The following NHS variants were observed in gnomAD, a reference collection of about 807,000 sequenced individuals.
NHS encodes the protein NHS actin remodeling regulator.
In NHS, 5 loss-of-function variants were observed where a neutral mutation model predicts 72.5. The ratio of observed to expected loss-of-function variants is 0.07; its 90% CI spans 0.04 to 0.14. The LOEUF is 0.14. Among genes scored for constraint, NHS ranks in the 10% least tolerant of loss-of-function variants. The pLI is 1.00. For missense variants in NHS, 1,072 were observed against 1,355.7 expected (o/e 0.79, Z 3.29); for synonymous variants, 464 against 547.7 (o/e 0.85, Z 2.13).
chrX:17,677,659 G>A (rs943193136), intron 1 of NHS, among the ~76,000 whole-genome samples: 3 of 111,636 alleles, frequency 2.7e-5, no homozygotes, highest in African/African-American at 9.8e-5. Flanking sequence ...TTTTTAAAGA[G>A]AGATGCTCCT....
intron 1 of NHS, among the ~76,000 whole-genome samples, chrX:17,437,102 A>G (rs750118668): frequency 1.8e-5 from 2 of 111,636 alleles, no homozygotes; most frequent in Admixed American, 1.9e-4. Context: ...CACACCCGGA[A>G]AACATGCGGT....
At chrX:17,527,757 G>A (rs983702021) in intron 1 of NHS, among the ~76,000 whole-genome samples, 4 of 111,194 alleles carry the variant, frequency 3.6e-5, no homozygotes, top group Admixed American at 2.9e-4. Flanking sequence ...TTTTTCCTGC[G>A]TTGAATTCTT....
At chrX:17,616,977 A>G (rs2065750690) in intron 1 of NHS, among the ~76,000 whole-genome samples, 1 of 111,907 alleles carries the variant, frequency 8.9e-6, no homozygotes, top group African/African-American at 3.3e-5. Context: ...ATTTAATTGT[A>G]AAAGAAAAAA....
intron 1 of NHS, among the ~76,000 whole-genome samples, chrX:17,618,035 A>G (rs2065754815): frequency 8.9e-6 from 1 of 112,080 alleles, no homozygotes; most frequent in Admixed American, 9.5e-5. Flanking sequence ...AACTTTAGAC[A>G]TTCAGATCTG....
At position 17,715,636 on chromosome X, in the gene NHS, G is replaced by T. The variant is rs369793225; in HGVS notation, c.853-3708G>T. Among the ~76,000 whole-genome samples, 96 of 111,511 alleles carry T rather than the reference G, an allele frequency of 8.6e-4. 4 individuals carry two copies. In the East Asian group the frequency reaches 9.6e-3, roughly 11 times the overall value. On this transcript the variant is annotated intron_variant, in intron 3 of 8. Transcript: ENST00000676302. The stretch of plus-strand genomic sequence containing the variant: ...TTTAAGTTCAGGGTTACATGTGCAG[G>T]TTTGTTATATGGGTAAACTTGTGTC...
chrX:17,614,421 C>G (rs1452866972), intron 1 of NHS, among the ~76,000 whole-genome samples: 1 of 109,614 alleles, frequency 9.1e-6, no homozygotes, highest in East Asian at 2.9e-4. Context: ...GAAACCTGAG[C>G]TCTCCTTGCA....
intron 1 of NHS, among the ~76,000 whole-genome samples, chrX:17,658,224 T>C (rs1407691126): frequency 2.7e-5 from 3 of 112,892 alleles, no homozygotes; most frequent in African/African-American, 9.7e-5. Flanking sequence ...GGTGGTAAAG[T>C]CCAGCTTGAA....
intron 1 of NHS, among the ~76,000 whole-genome samples, chrX:17,579,473 C>G (rs1318589707): frequency 9.0e-6 from 1 of 111,107 alleles, no homozygotes; most frequent in South Asian, 3.8e-4. Flanking sequence ...TCCCCCTGCT[C>G]CCCCTCTCCC....
intron 1 of NHS, among the ~76,000 whole-genome samples, chrX:17,454,758 G>C (rs959134174): frequency 9.0e-6 from 1 of 111,716 alleles, no homozygotes; most frequent in Non-Finnish European, 1.9e-5. Flanking sequence ...AATTTTATGA[G>C]TGCACAAGGG....
At chrX:17,593,475 G>A (rs1336307249) in intron 1 of NHS, among the ~76,000 whole-genome samples, 1 of 111,091 alleles carries the variant, frequency 9.0e-6, no homozygotes, top group African/African-American at 3.3e-5. Context: ...CAGCCAAGAA[G>A]TCCCAATTTC....
chrX:17,690,271 C>T (rs2066187865), intron 2 of NHS, among the ~76,000 whole-genome samples: 1 of 112,517 alleles, frequency 8.9e-6, no homozygotes, highest in South Asian at 3.7e-4. Context: ...CTGCTGTATT[C>T]ATCAGCATAA....
At chrX:17,474,367 C>G (rs901184115) in intron 1 of NHS, among the ~76,000 whole-genome samples, 7 of 111,988 alleles carry the variant, frequency 6.3e-5, no homozygotes, top group Middle Eastern at 4.6e-3. Flanking sequence ...GTCTTAAGCT[C>G]AATGAAGAAT....
chrX:17,732,277 C>T lies in NHS; in HGVS notation c.4769C>T (p.Ser1590Leu). 2 of 1,212,049 alleles carry T rather than the reference C, an allele frequency of 1.7e-6. No individual in the cohort carries two copies. Among genetic ancestry groups the T allele is most frequent in the Non-Finnish European group, 1.1e-6 (1 of 895,546 alleles). ...CGAGTTAATGCAGAAGGCTTTTCCTCGAAGAGCTTTGCCACCTCAGCATCA... is the reference window on the plus strand; with the variant it reads ...CGAGTTAATGCAGAAGGCTTTTCCTTGAAGAGCTTTGCCACCTCAGCATCA... ...SPRVNAEGFS[S>L]KSFATSASAR... Residue 1590 changes from serine (S) to leucine (L), a missense_variant, in exon 9 of 9, where the codon TCG becomes TTG. Coordinates refer to ENST00000676302, the MANE Select transcript of NHS (RefSeq NM_001291867.2).
At chrX:17,491,515 G>A (rs749107823) in intron 1 of NHS, among the ~76,000 whole-genome samples, 4 of 111,412 alleles carry the variant, frequency 3.6e-5, no homozygotes, top group Admixed American at 9.6e-5. Flanking sequence ...TGCTGGATTC[G>A]GTTTGCCAGT....
intron 1 of NHS, among the ~76,000 whole-genome samples, chrX:17,481,824 G>A (rs1424731356): frequency 1.8e-5 from 2 of 111,665 alleles, no homozygotes; most frequent in Non-Finnish European, 1.9e-5. Context: ...ATTCTGACTC[G>A]TGTCACCATA....
chrX:17,476,754 C>A (rs2064920790), intron 1 of NHS, among the ~76,000 whole-genome samples: 1 of 111,907 alleles, frequency 8.9e-6, no homozygotes, highest in Non-Finnish European at 1.9e-5. Flanking sequence ...ATAATCATTG[C>A]TTGGAGGCTG....
intron 1 of NHS, among the ~76,000 whole-genome samples, chrX:17,604,550 A>G (rs958847602): frequency 7.1e-5 from 8 of 112,018 alleles, no homozygotes; most frequent in Non-Finnish European, 1.5e-4. Flanking sequence ...TCTAGGAATG[A>G]GGAATTTCTG....
rs1021579809 is a variant in NHS, at chrX:17,635,521, A to G, written c.566-52221A>G. On this transcript the variant is annotated intron_variant, in intron 1 of 8. Coordinates refer to ENST00000676302, the MANE Select transcript of NHS (RefSeq NM_001291867.2). ...CTCTGGCATTCAGAGACGTCTTTGC[A>G]TAAAAGAAAAGGCCCTTCCTTAAGG... 9.4e-6 allele frequency: 11 copies of G among 1,167,852 alleles called. No homozygotes were observed. The Admixed American group carries it at 1.5e-4, about 16-fold the overall frequency.
intron 1 of NHS, among the ~76,000 whole-genome samples, chrX:17,460,532 CA>C (rs1486530205): frequency 9.1e-6 from 1 of 110,123 alleles, no homozygotes; most frequent in Admixed American, 9.7e-5. Flanking sequence ...AGTGAATTTA[CA>C]GAGAAATGCT....
Sources: allele counts gnomAD v4.1 joint callset (sites outside exome capture counted in the v4.1 genomes callset), GRCh38; gene constraint gnomAD v4.1.1; transcripts MANE v1.5; gene names NCBI Gene and HGNC (gene_info 2026-07-23, HGNC 2026-07-21).